Variants in MAGI2 observed in about 807,000 individuals in gnomAD.
The protein encoded by MAGI2 is membrane associated guanylate kinase, WW and PDZ domain containing 2.
MAGI2 carries 35 observed loss-of-function variants against 133.3 expected under a neutral mutation model. The observed-to-expected ratio is 0.26, with a 90% CI of 0.20 to 0.35. MAGI2 has a LOEUF of 0.35. Among genes scored for constraint, MAGI2 ranks in the 10% least tolerant of loss-of-function variants. MAGI2 has a pLI of 1.00. For synonymous variants in MAGI2, 729 were observed against 710.6 expected (o/e 1.03, Z -0.41); for missense variants, 1,636 against 1,863.4 (o/e 0.88, Z 2.25).
chr7:78,437,607 T>C (rs1035728412), intron 6 of MAGI2, among the ~76,000 whole-genome samples: 1 of 152,152 alleles, frequency 6.6e-6, no homozygotes, highest in African/African-American at 2.4e-5. Context: ...GAAGAGGTAA[T>C]ACCAGCACCA....
At chr7:78,604,177 G>A (rs1805534440) in intron 3 of MAGI2, among the ~76,000 whole-genome samples, 1 of 152,114 alleles carries the variant, frequency 6.6e-6, no homozygotes, top group African/African-American at 2.4e-5. Flanking sequence ...GATTTAAGTA[G>A]GGAAAGAATA....
chr7:79,081,766 T>C (rs755319294), intron 1 of MAGI2, among the ~76,000 whole-genome samples: 2 of 152,090 alleles, frequency 1.3e-5, no homozygotes, highest in Non-Finnish European at 2.9e-5. Flanking sequence ...ATCAGAACTT[T>C]TTCCATATGG....
At chr7:79,413,526 T>C (rs1442448297) in intron 1 of MAGI2, 1 of 152,172 alleles carries the variant, frequency 6.6e-6, no homozygotes, top group Admixed American at 6.6e-5. Context: ...ACACCCCTTT[T>C]AACAGCTGAA....
Position 78,178,083 on chromosome 7 carries a change from C to T in MAGI2, c.2331G>A (p.Leu777=). The T allele has an allele frequency of 1.2e-6, 2 of 1,612,514 alleles. No homozygotes were observed. The highest frequency in any genetic ancestry group is 2.2e-5 in the East Asian group (1 of 44,842). The change falls in exon 14 of 22, where the codon TTG becomes TTA. Residue 777 remains leucine, a synonymous_variant. Transcript: ENST00000354212. ...MDSSGPDYKE[L]DVHLRRMESG... ...ACTCCATCCTCCGAAGATGAACATC[C>T]AATTCCTTATAATCTGGACCTGGCA...
chr7:78,375,356 G>T (rs940956538), intron 6 of MAGI2, among the ~76,000 whole-genome samples: 1 of 152,048 alleles, frequency 6.6e-6, no homozygotes, highest in Non-Finnish European at 1.5e-5. Context: ...CCTTTCTTGG[G>T]AGGCGGTGTC....
At chr7:78,429,162 A>G (rs947720316) in intron 6 of MAGI2, among the ~76,000 whole-genome samples, 3 of 152,172 alleles carry the variant, frequency 2.0e-5, no homozygotes, top group Non-Finnish European at 4.4e-5. Flanking sequence ...GGGAAAAGGT[A>G]CTTCAAAAAC....
At chr7:78,982,437 G>A (rs1322202979) in intron 2 of MAGI2, among the ~76,000 whole-genome samples, 2 of 151,714 alleles carry the variant, frequency 1.3e-5, no homozygotes, top group Non-Finnish European at 2.9e-5. Context: ...CTTTTTGTAA[G>A]CACTCATTTG....
intron 3 of MAGI2, among the ~76,000 whole-genome samples, chr7:78,565,087 C>T (rs976846188): frequency 3.3e-5 from 5 of 151,922 alleles, no homozygotes; most frequent in East Asian, 1.9e-4. Flanking sequence ...GCACCGCGCC[C>T]GGCCTCCTTG....
intron 2 of MAGI2, among the ~76,000 whole-genome samples, chr7:78,643,446 C>T (rs1384048948): frequency 6.6e-6 from 1 of 152,060 alleles, no homozygotes; most frequent in East Asian, 1.9e-4. Flanking sequence ...CATGTGCCCC[C>T]TTTACAAGTC....
At chr7:78,588,445 G>A (rs917293586) in intron 3 of MAGI2, among the ~76,000 whole-genome samples, 10 of 152,198 alleles carry the variant, frequency 6.6e-5, no homozygotes, top group African/African-American at 2.4e-4. Context: ...GTAGATGGCT[G>A]TTCAGTAGGA....
intron 1 of MAGI2, among the ~76,000 whole-genome samples, chr7:79,330,649 CTTTA>C (rs1192121893): frequency 6.6e-6 from 1 of 151,598 alleles, no homozygotes; most frequent in African/African-American, 2.4e-5. Flanking sequence ...ACATTACACT[CTTTA>C]TTTAGCACTC....
chr7:78,635,910 T>C (rs780558918), intron 2 of MAGI2, among the ~76,000 whole-genome samples: 11 of 152,184 alleles, frequency 7.2e-5, no homozygotes, highest in Non-Finnish European at 1.2e-4. Context: ...TTCAATCACA[T>C]AAAATCCCAA....
At chr7:78,754,372 A>AGT (rs35587012) in intron 2 of MAGI2, among the ~76,000 whole-genome samples, 1 of 131,448 alleles carries the variant, frequency 7.6e-6, no homozygotes, top group Non-Finnish European at 1.7e-5. Flanking sequence ...CCCTGTCTCA[A>AGT]ATAAATAAAT....
intron 2 of MAGI2, among the ~76,000 whole-genome samples, chr7:78,701,495 G>A (rs1818068768): frequency 6.6e-6 from 1 of 151,916 alleles, no homozygotes. Flanking sequence ...CTCTTCAGAA[G>A]CCAAGGGATA....
chr7:78,361,080 G>T lies in MAGI2; in HGVS notation c.1103+8076C>A, dbSNP rs7801139. ...AGCCTCTCCAGAAGTGCCTAAACAA[G>T]GGCCTGATTTGTTAGATTCATAAAA... On this transcript the variant is annotated intron_variant, in intron 7 of 21. Coordinates refer to ENST00000354212, the MANE Select transcript of MAGI2 (RefSeq NM_012301.4). 3.8e-3 allele frequency among the ~76,000 whole-genome samples: 578 copies of T among 152,026 alleles called. 8 individuals are homozygous for T. The highest frequency in any genetic ancestry group is 0.013 in the African/African-American group (544 of 41,444).
chr7:79,157,850 GTTT>G (rs35889003), intron 1 of MAGI2, among the ~76,000 whole-genome samples: 2,238 of 84,146 alleles, frequency 0.027, 66 homozygotes, highest in African/African-American at 0.075. Flanking sequence ...TATCTAACAA[GTTT>G]TTTTTTTTTT....
In MAGI2 at chr7:78,139,044, T is replaced by C. The variant is rs369694911; in HGVS notation, c.2846-3838A>G. Among the ~76,000 whole-genome samples, 14 of 152,292 alleles carry C rather than the reference T, an allele frequency of 9.2e-5. No individual in the cohort carries two copies. The East Asian group carries it at 1.4e-3, about 15-fold the overall frequency. ...TGGTAATAACTTAGTTTCAAAGCCATTTTAACTTTATTAGGGTAGTTAGAA... is the reference window on the plus strand; with the variant it reads ...TGGTAATAACTTAGTTTCAAAGCCACTTTAACTTTATTAGGGTAGTTAGAA... On this transcript the variant is annotated intron_variant, in intron 16 of 21. Transcript: ENST00000354212.
intron 1 of MAGI2, among the ~76,000 whole-genome samples, chr7:79,192,835 A>G: frequency 6.6e-6 from 1 of 151,936 alleles, no homozygotes; most frequent in Non-Finnish European, 1.5e-5. Context: ...TGATTGATTT[A>G]TATTTTTACA....
chr7:78,217,544 T>C (rs554793411), intron 10 of MAGI2, among the ~76,000 whole-genome samples: 2 of 152,320 alleles, frequency 1.3e-5, no homozygotes, highest in African/African-American at 2.4e-5. Flanking sequence ...CTTTATGAAA[T>C]CTGTGTGAAG....
Sources: allele counts gnomAD v4.1 joint callset (sites outside exome capture counted in the v4.1 genomes callset), GRCh38; gene constraint gnomAD v4.1.1; transcripts MANE v1.5; gene names NCBI Gene and HGNC (gene_info 2026-07-23, HGNC 2026-07-21).